Variants in JRK observed in about 807,000 individuals in gnomAD.
JRK encodes the protein Jrk helix-turn-helix protein.
For synonymous variants in JRK, 303 were observed against 218.1 expected (o/e 1.39, Z -3.43); for missense variants, 720 against 509.2 (o/e 1.41, Z -3.98).
chr8:142,655,306 A>G (rs11986892), downstream of JRK, among the ~76,000 whole-genome samples: 3 of 152,186 alleles, frequency 2.0e-5, no homozygotes, highest in African/African-American at 4.8e-5. Context: ...CACAGACACC[A>G]TGTGTTAGGC....
Position 142,665,917 on chromosome 8 carries a change from C to A in JRK, c.142G>T (p.Gly48Cys), listed in dbSNP as rs1554635961. 6.2e-6 allele frequency: 5 copies of A among 804,926 alleles called. No homozygotes were observed. The highest frequency in any genetic ancestry group is 3.4e-5 in the African/African-American group (2 of 59,592). The allele number at this position is 804,926 out of a possible 1,614,324, so 49.9% of individuals were successfully genotyped here. A position where few individuals can be genotyped will look rare whatever the true frequency, so the allele number is the denominator to read the frequency against. The change falls in exon 2 of 2, where the codon GGC becomes TGC. Residue 48 changes from glycine to cysteine, a missense_variant. Coordinates refer to ENST00000612905, the MANE Select transcript of JRK (RefSeq NM_003724.4). ...CTGATGTCGTAGAGGGTGGACATGC[C>A]CACATTGTACTCCTGCATCAGTGCC... ...RKALMQEYNV[G>C]MSTLYDIRAH...
At position 142,662,872 on chromosome 8, in the gene JRK, T is replaced by C; in HGVS notation, c.*1480A>G. On this transcript the variant is annotated 3_prime_UTR_variant, in exon 2 of 2. Transcript: ENST00000612905. ...TGAAAATAACATAGCAAGAAAAACC[T>C]ATTTAGGCCGAGTGCTGTGGCTCAC... is the stretch of plus-strand genomic sequence containing the variant. 1 of 985,172 alleles carries C rather than the reference T, an allele frequency of 1.0e-6. No individual in the cohort carries two copies. The highest frequency in any genetic ancestry group is 1.2e-6 in the Non-Finnish European group (1 of 829,752). 61.0% of individuals were successfully genotyped at this position (985,172 alleles called of 1,614,324 possible).
chr8:142,655,605 C>T (rs1381460854), downstream of JRK, among the ~76,000 whole-genome samples: 2 of 94,108 alleles, frequency 2.1e-5, no homozygotes, highest in African/African-American at 5.9e-5. Flanking sequence ...CGGCTCCGGA[C>T]TCCAAACTGT....
chr8:142,663,131 C>T lies in JRK; in HGVS notation c.*1221G>A. ...TCACACCACTTCACTCCAGCCTGGTCAACAGAGTGAGACCCTGCCTCAAGA... is the reference window on the plus strand; with the variant it reads ...TCACACCACTTCACTCCAGCCTGGTTAACAGAGTGAGACCCTGCCTCAAGA... On this transcript the variant is annotated 3_prime_UTR_variant, in exon 2 of 2. Transcript: ENST00000612905. 6 of 979,908 alleles carry T rather than the reference C, an allele frequency of 6.1e-6. No individual in the cohort carries two copies. Among genetic ancestry groups the T allele is most frequent in the Non-Finnish European group, 7.3e-6 (6 of 825,094 alleles). The allele number at this position is 979,908 out of a possible 1,614,324, so 60.7% of individuals were successfully genotyped here. A position where few individuals can be genotyped will look rare whatever the true frequency, so the allele number is the denominator to read the frequency against.
Position 142,659,751 on chromosome 8 carries a change from G to A in JRK, c.*4601C>T. ...GTGCACTGCTCAAGGTCATGCAGCT[G>A]GTGAACAGCAGGGAGTGAGCAGTGG... On this transcript the variant is annotated 3_prime_UTR_variant, in exon 2 of 2. Coordinates refer to ENST00000612905, the MANE Select transcript of JRK (RefSeq NM_003724.4). The A allele has an allele frequency of 4.1e-6, 4 of 985,498 alleles. No individual in the cohort carries two copies. The highest frequency in any genetic ancestry group is 4.8e-6 in the Non-Finnish European group (4 of 829,962). 61.0% of individuals were successfully genotyped at this position (985,498 alleles called of 1,614,324 possible).
chr8:142,655,750 C>T (rs1306471881), downstream of JRK, among the ~76,000 whole-genome samples: 34 of 152,326 alleles, frequency 2.2e-4, no homozygotes, highest in African/African-American at 7.7e-4. Context: ...CCACTAAGCG[C>T]GTTCTGCCTC....
At chr8:142,652,913 T>C (rs587658180), downstream of JRK, among the ~76,000 whole-genome samples, 1 of 152,340 alleles carries the variant, frequency 6.6e-6, no homozygotes, top group East Asian at 1.9e-4. Context: ...TCATTCATTT[T>C]TTACACCCCT....
the JRK span, among the ~76,000 whole-genome samples, chr8:142,649,071 T>A: frequency 6.6e-6 from 1 of 152,244 alleles, no homozygotes. Context: ...AATGGCTGTA[T>A]TTACCCAATG....
At chr8:142,655,766 T>G (rs9694286), downstream of JRK, among the ~76,000 whole-genome samples, 90,665 of 152,080 alleles carry the variant, frequency 0.6, 28,325 homozygotes, top group Admixed American at 0.69. Context: ...GCCTCCTGTC[T>G]TCTTGGGTCC....
At position 142,664,551 on chromosome 8, in the gene JRK, C is replaced by T. The variant is rs35283248; in HGVS notation, c.1508G>A (p.Arg503Gln). 12,511 of 1,607,948 alleles carry T rather than the reference C, an allele frequency of 7.8e-3. 69 individuals carry two copies. The highest frequency in any genetic ancestry group is 9.4e-3 in the Non-Finnish European group (11,089 of 1,178,124). ...TTCCTGCGCACTGAAGCATGGCTGCCGCTCCGCAAAGCGCAGGACTGCGTC... is the reference window on the plus strand; with the variant it reads ...TTCCTGCGCACTGAAGCATGGCTGCTGCTCCGCAAAGCGCAGGACTGCGTC... The part of the protein sequence containing the change: ...AFDAVLRFAE[R>Q]QPCFSAQEVG... The change falls in exon 2 of 2, where the codon CGG becomes CAG. Residue 503 changes from arginine to glutamine, a missense_variant. Transcript: ENST00000612905.
intron 1 of JRK, among the ~76,000 whole-genome samples, 198 bp downstream of exon 1, chr8:142,669,734 C>G (rs1847265378): frequency 6.7e-6 from 1 of 150,106 alleles, no homozygotes; most frequent in South Asian, 2.1e-4. Flanking sequence ...CCGAGCGCGG[C>G]TCCCGGGAGG....
rs200581080 is a variant in JRK, at chr8:142,665,921, A to G, written c.138T>C (p.Asn46=). ...TGTCGTAGAGGGTGGACATGCCCAC[A>G]TTGTACTCCTGCATCAGTGCCTTCC... ...ESRKALMQEY[N]VGMSTLYDIR... The change falls in exon 2 of 2, where the codon AAT becomes AAC. Residue 46 remains asparagine (N), a synonymous_variant. Coordinates refer to ENST00000612905, the MANE Select transcript of JRK (RefSeq NM_003724.4). The G allele has an allele frequency of 2.2e-5, 18 of 811,176 alleles. No individual in the cohort carries two copies. Among genetic ancestry groups the G allele is most frequent in the Admixed American group, 6.8e-5 (4 of 59,018 alleles). 50.2% of individuals were successfully genotyped at this position (811,176 alleles called of 1,614,324 possible).
Position 142,666,207 on chromosome 8 carries a change from C to A in JRK, c.-149G>T. On this transcript the variant is annotated 5_prime_UTR_variant, in exon 2 of 2. Coordinates refer to ENST00000612905, the MANE Select transcript of JRK (RefSeq NM_003724.4). ...GCTCTGCTGATCCTGAGCACAGGCC[C>A]CAGTCCCTCTCGGGTTTCTCACTCC... 7.1e-7 allele frequency: 1 copy of A among 1,405,104 alleles called. No individual in the cohort carries two copies. Among genetic ancestry groups the A allele is most frequent in the Non-Finnish European group, 9.8e-7 (1 of 1,025,604 alleles). The allele number at this position is 1,405,104 out of a possible 1,614,324, so 87.0% of individuals were successfully genotyped here.
chr8:142,656,562 C>A (rs912864575), downstream of JRK, among the ~76,000 whole-genome samples: 1 of 152,208 alleles, frequency 6.6e-6, no homozygotes, highest in Non-Finnish European at 1.5e-5. Context: ...CTTTTACCAG[C>A]CAGACTATAT....
chr8:142,660,256 G>C lies in JRK; in HGVS notation c.*4096C>G. The C allele has an allele frequency of 1.0e-6, 1 of 985,836 alleles. No homozygotes were observed. The highest frequency in any genetic ancestry group is 1.2e-6 in the Non-Finnish European group (1 of 830,282). The allele number at this position is 985,836 out of a possible 1,614,324, so 61.1% of individuals were successfully genotyped here. On this transcript the variant is annotated 3_prime_UTR_variant, in exon 2 of 2. Coordinates refer to ENST00000612905, the MANE Select transcript of JRK (RefSeq NM_003724.4). ...GGGCTGGGTAAGCAGCAGAAGTGCAGAAGCCCTGCCCAGGCCCTGCCTCCC... is the reference window on the plus strand; with the variant it reads ...GGGCTGGGTAAGCAGCAGAAGTGCACAAGCCCTGCCCAGGCCCTGCCTCCC...
downstream of JRK, among the ~76,000 whole-genome samples, chr8:142,655,499 G>A (rs868979400): frequency 8.5e-5 from 13 of 152,258 alleles, no homozygotes; most frequent in Admixed American, 3.3e-4. Context: ...GGCAGACACA[G>A]CCAAGGCAGA....
the JRK span, among the ~76,000 whole-genome samples, chr8:142,644,424 C>T: frequency 6.6e-6 from 1 of 152,074 alleles, no homozygotes; most frequent in Non-Finnish European, 1.5e-5. Flanking sequence ...ATACCAATAA[C>T]ATATTTATAC....
chr8:142,659,162 T>G lies in JRK; in HGVS notation c.*5190A>C, dbSNP rs1410050280. 3 of 1,328,786 alleles carry G rather than the reference T, an allele frequency of 2.3e-6. No homozygotes were observed. Among genetic ancestry groups the G allele is most frequent in the South Asian group, 1.7e-5 (1 of 58,120 alleles). The allele number at this position is 1,328,786 out of a possible 1,614,324, so 82.3% of individuals were successfully genotyped here. Reference sequence around the variant, plus strand: ...GCTCAAGCCTGGCAGCTCCTCCCACTGAGCCTCATGGTCACCCCAGAGGAC... The same window carrying G: ...GCTCAAGCCTGGCAGCTCCTCCCACGGAGCCTCATGGTCACCCCAGAGGAC... On this transcript the variant is annotated 3_prime_UTR_variant, in exon 2 of 2. Coordinates refer to ENST00000612905, the MANE Select transcript of JRK (RefSeq NM_003724.4).
At chr8:142,647,787 C>G in the JRK span, among the ~76,000 whole-genome samples, 106 of 152,312 alleles carry the variant, frequency 7.0e-4, no homozygotes, top group African/African-American at 2.4e-3. Flanking sequence ...AATGTGGAAG[C>G]AACTTTGGAC....
Sources: gnomAD v4.1 joint callset for allele counts (sites outside exome capture counted in the v4.1 genomes callset) on GRCh38, gnomAD v4.1.1 for gene constraint, MANE v1.5 for transcripts, NCBI Gene and HGNC (gene_info 2026-07-23, HGNC 2026-07-21) for gene names.